NINL: variants seen among roughly 807,000 people sequenced by gnomAD.
The protein encoded by NINL is ninein-like protein.
In NINL, 153 loss-of-function variants were observed where a neutral mutation model predicts 160.3. That is an observed-to-expected ratio of 0.95 (90% CI 0.84 to 1.09). The LOEUF (loss-of-function observed/expected upper bound fraction) is 1.09. Among genes scored for constraint, NINL ranks in the 50% least tolerant of loss-of-function variants. The probability of loss-of-function intolerance (pLI) is 0.00; values close to 1 mark genes in which losing one functional copy is unlikely to be tolerated. For missense variants in NINL, 1,829 were observed against 1,764.0 expected (o/e 1.04, Z -0.66); for synonymous variants, 800 against 734.8 (o/e 1.09, Z -1.43).
At chr20:25,523,835 T>C (rs1027412345) in intron 2 of NINL, among the ~76,000 whole-genome samples, 27 of 151,686 alleles carry the variant, frequency 1.8e-4, no homozygotes, top group African/African-American at 6.5e-4. Flanking sequence ...GAGATGGGGT[T>C]TCACCACATT....
chr20:25,472,915 G>A (rs2063139909), intron 17 of NINL, among the ~76,000 whole-genome samples: 1 of 152,158 alleles, frequency 6.6e-6, no homozygotes, highest in Non-Finnish European at 1.5e-5. Flanking sequence ...AAAGACAAAT[G>A]CAAGAACGTT....
chr20:25,499,942 T>A (rs1188433821), intron 8 of NINL, among the ~76,000 whole-genome samples: 1 of 92,548 alleles, frequency 1.1e-5, no homozygotes, highest in Non-Finnish European at 1.9e-5. Flanking sequence ...GACACCAATT[T>A]CGCAAAAAAA....
intron 23 of NINL, among the ~76,000 whole-genome samples, chr20:25,454,717 G>A (rs377673547): frequency 1.5e-4 from 23 of 152,226 alleles, no homozygotes; most frequent in East Asian, 9.7e-4. Context: ...CCCCACACCC[G>A]TGGGGTCCAC....
intron 1 of NINL, among the ~76,000 whole-genome samples, chr20:25,532,425 C>A (rs1050627216): frequency 6.6e-6 from 1 of 152,236 alleles, no homozygotes; most frequent in South Asian, 2.1e-4. Flanking sequence ...TCTTTGCAGG[C>A]TCATGGCATA....
intron 9 of NINL, among the ~76,000 whole-genome samples, chr20:25,497,369 C>T (rs1416962065): frequency 6.6e-6 from 1 of 152,230 alleles, no homozygotes; most frequent in Non-Finnish European, 1.5e-5. Flanking sequence ...GACTGTTTCC[C>T]CACGAAAGGA....
At chr20:25,555,263 C>G (rs2064852720) in intron 1 of NINL, among the ~76,000 whole-genome samples, 1 of 152,184 alleles carries the variant, frequency 6.6e-6, no homozygotes, top group Admixed American at 6.5e-5. Flanking sequence ...GGCACCTCTT[C>G]CGTAACGTAC....
At position 25,498,190 on chromosome 20, in the gene NINL, A is replaced by T; in HGVS notation, c.1169+20T>A. ...GGCCAGCCACACTGCCACGTTCCCC[A>T]GTCCCCTGTGGCCTCTTACTGCTGG... On this transcript the variant is annotated intron_variant, in intron 9 of 23. Coordinates refer to ENST00000278886, the MANE Select transcript of NINL (RefSeq NM_025176.6). The T allele has an allele frequency of 6.2e-7, 1 of 1,611,420 alleles. No individual in the cohort carries two copies. The highest frequency in any genetic ancestry group is 1.1e-5 in the South Asian group (1 of 90,978).
chr20:25,558,393 A>G (rs2147121602), intron 1 of NINL, among the ~76,000 whole-genome samples: 1 of 152,284 alleles, frequency 6.6e-6, no homozygotes, highest in South Asian at 2.1e-4. Flanking sequence ...TTTTTAGTAG[A>G]GATGGGGTTT....
intron 19 of NINL, among the ~76,000 whole-genome samples, chr20:25,463,679 C>T (rs1407168474): frequency 6.6e-6 from 1 of 152,184 alleles, no homozygotes; most frequent in Admixed American, 6.5e-5. Flanking sequence ...GTCCTCTGAC[C>T]CGCTCTCAGC....
rs1201085322 is a variant in NINL at position 25,476,827 on chromosome 20, G to T, written c.2464C>A (p.Leu822Met). Reference sequence around the variant, plus strand: ...GGCAGGGCCTGCATCTCTGCTTCCAGGGAGGGCCCGTCCACTCGCTTCCCG... The same window carrying T: ...GGCAGGGCCTGCATCTCTGCTTCCATGGAGGGCCCGTCCACTCGCTTCCCG... ...ARGKRVDGPS[L>M]EAEMQALPKD... Residue 822 changes from leucine (L) to methionine (M), a missense_variant, in exon 17 of 24, where the codon CTG (leucine) becomes ATG (methionine). Leu to Met is a conservative substitution (Grantham distance 15). Coordinates refer to ENST00000278886, the MANE Select transcript of NINL (RefSeq NM_025176.6). The T allele has an allele frequency of 6.2e-7, 1 of 1,613,296 alleles. No homozygotes were observed.
Position 25,538,911 on chromosome 20 carries a change from C to T in NINL, c.-11-12313G>A, listed in dbSNP as rs181536821. ...GGCTTCAGGCCCTGACCAAGGGTGGCAGCAGAAGACACTTGCCAGCCAGGG... is the reference window on the plus strand; with the variant it reads ...GGCTTCAGGCCCTGACCAAGGGTGGTAGCAGAAGACACTTGCCAGCCAGGG... On this transcript the variant is annotated intron_variant, in intron 1 of 23. Transcript: ENST00000278886. 1.6e-3 allele frequency among the ~76,000 whole-genome samples: 244 copies of T among 152,266 alleles called. 2 individuals are homozygous for T. The highest frequency in any genetic ancestry group is 3.3e-3 in the Admixed American group (50 of 15,302).
chr20:25,581,061 A>G (rs1383902962), intron 1 of NINL, among the ~76,000 whole-genome samples: 1 of 152,236 alleles, frequency 6.6e-6, no homozygotes, highest in African/African-American at 2.4e-5. Flanking sequence ...AGGCCAAGAC[A>G]CTGCTCCTGT....
intron 17 of NINL, among the ~76,000 whole-genome samples, chr20:25,472,324 G>GCTATATATAT (rs1555845879): frequency 1.2e-5 from 1 of 83,982 alleles, no homozygotes; most frequent in Admixed American, 1.6e-4. Context: ...GGGAGGAGAG[G>GCTATATATAT]ATATATATAT....
intron 21 of NINL, among the ~76,000 whole-genome samples, 162 bp downstream of exon 21, chr20:25,461,360 G>A (rs1043366393): frequency 6.6e-6 from 1 of 152,192 alleles, no homozygotes. Context: ...CCCTGCACTG[G>A]GAGCAGCTTC....
intron 1 of NINL, among the ~76,000 whole-genome samples, chr20:25,567,292 A>ATT (rs1345166927): frequency 6.6e-6 from 1 of 152,220 alleles, no homozygotes; most frequent in African/African-American, 2.4e-5. Context: ...CTATGAGACA[A>ATT]TTATCAAAGG....
At chr20:25,552,436 A>G (rs1785301097) in intron 1 of NINL, among the ~76,000 whole-genome samples, 1 of 152,248 alleles carries the variant, frequency 6.6e-6, no homozygotes, top group South Asian at 2.1e-4. Context: ...GAGCTGTGAA[A>G]GAAAAAAATA....
At chr20:25,578,765 C>A (rs998822235) in intron 1 of NINL, among the ~76,000 whole-genome samples, 64 of 143,222 alleles carry the variant, frequency 4.5e-4, no homozygotes, top group African/African-American at 1.6e-3. Context: ...ACCACTCTAG[C>A]CTGGGTGACA....
chr20:25,465,231 A>C (rs2146361328), intron 19 of NINL, among the ~76,000 whole-genome samples: 1 of 152,298 alleles, frequency 6.6e-6, no homozygotes, highest in East Asian at 1.9e-4. Context: ...CGGGACCACT[A>C]CTGGGGCTCT....
At chr20:25,479,265 G>T (rs2063336822) in intron 15 of NINL, 59 bp from the exon 16 acceptor site, 7 of 1,535,590 alleles carry the variant, frequency 4.6e-6, no homozygotes, top group Middle Eastern at 1.8e-4. Flanking sequence ...TCTTGCTGCT[G>T]ACGTAACACA....
Sources: gnomAD v4.1 joint callset for allele counts (sites outside exome capture counted in the v4.1 genomes callset) on GRCh38, gnomAD v4.1.1 for gene constraint, MANE v1.5 for transcripts, NCBI Gene and HGNC (gene_info 2026-07-23, HGNC 2026-07-21) for gene names.